XPO4: variants seen among roughly 807,000 people sequenced by gnomAD.
XPO4 encodes the protein exportin-4.
In XPO4, 39 loss-of-function variants were observed where a neutral mutation model predicts 143.0. That is an observed-to-expected ratio of 0.27 (90% CI 0.21 to 0.36). The LOEUF is 0.36. Among genes scored for constraint, XPO4 ranks in the 10% least tolerant of loss-of-function variants. The pLI, the probability that XPO4 is intolerant of heterozygous loss-of-function variation, is 1.00. For synonymous variants in XPO4, 439 were observed against 474.0 expected (o/e 0.93, Z 0.96); for missense variants, 907 against 1,348.0 (o/e 0.67, Z 5.12).
Position 20,851,396 on chromosome 13 carries a change from A to G in XPO4, c.456+4231T>C, listed in dbSNP as rs185620614. 7,296 of 985,366 alleles carry G rather than the reference A, an allele frequency of 7.4e-3. 33 individuals are homozygous for G. The highest frequency in any genetic ancestry group is 8.3e-3 in the Non-Finnish European group (6,925 of 829,926). 61.0% of individuals were successfully genotyped at this position (985,366 alleles called of 1,614,324 possible). ...AAGTATACTGATTTCCTACTATTACAGTAGTTCTCAGCCCTGGTATTAAAA... is the reference window on the plus strand; with the variant it reads ...AAGTATACTGATTTCCTACTATTACGGTAGTTCTCAGCCCTGGTATTAAAA... On this transcript the variant is annotated intron_variant, in intron 4 of 22. Coordinates refer to ENST00000255305, the MANE Select transcript of XPO4 (RefSeq NM_022459.5).
chr13:20,887,893 G>C (rs1478071750), intron 1 of XPO4, among the ~76,000 whole-genome samples: 1 of 150,434 alleles, frequency 6.6e-6, no homozygotes, highest in Non-Finnish European at 1.5e-5. Context: ...AAAAGAGGTC[G>C]GGCTCAGTGG....
Position 20,809,230 on chromosome 13 carries a change from T to C in XPO4, c.1351-5A>G, listed in dbSNP as rs1595078956. 1 of 1,612,506 alleles carries C rather than the reference T, an allele frequency of 6.2e-7. No homozygotes were observed. On this transcript the variant is annotated splice_polypyrimidine_tract_variant and splice_region_variant and intron_variant, in intron 10 of 22. Coordinates refer to ENST00000255305, the MANE Select transcript of XPO4 (RefSeq NM_022459.5). The stretch of plus-strand genomic sequence containing the variant: ...AGAGGCCACACCATTGGCAGTCTAT[T>C]GCAAGTAAAAGAAATAAACAATGAG...
intron 18 of XPO4, among the ~76,000 whole-genome samples, chr13:20,793,639 C>T (rs892973873): frequency 2.6e-5 from 4 of 152,056 alleles, no homozygotes; most frequent in Non-Finnish European, 4.4e-5. Flanking sequence ...CTGCAAGCTC[C>T]GCCTCCCTGG....
chr13:20,809,013 T>C, intron 11 of XPO4, 70 bp downstream of exon 11: 1 of 1,552,182 alleles, frequency 6.4e-7, no homozygotes, highest in East Asian at 2.3e-5. Flanking sequence ...CTTTAAACAC[T>C]TTAAGTGCTC....
intron 4 of XPO4, among the ~76,000 whole-genome samples, chr13:20,855,229 G>C (rs1372481896): frequency 2.6e-5 from 4 of 152,130 alleles, no homozygotes; most frequent in African/African-American, 9.7e-5. Flanking sequence ...GCAGAAGCAG[G>C]CGGATCACCT....
At chr13:20,831,760 C>T (rs111779231) in intron 6 of XPO4, among the ~76,000 whole-genome samples, 1 of 151,338 alleles carries the variant, frequency 6.6e-6, no homozygotes, top group Non-Finnish European at 1.5e-5. Flanking sequence ...ACCTTCCCAT[C>T]CATGTTCTCA....
At chr13:20,890,914 C>A (rs978381671) in intron 1 of XPO4, among the ~76,000 whole-genome samples, 13 of 151,516 alleles carry the variant, frequency 8.6e-5, no homozygotes, top group Admixed American at 4.0e-4. Flanking sequence ...TTGAGACCAG[C>A]CTGACCGGAC....
At position 20,894,295 on chromosome 13, in the gene XPO4, A is replaced by G. The variant is rs2060547211; in HGVS notation, c.69+8375T>C. Among the ~76,000 whole-genome samples the G allele has an allele frequency of 2.0e-5, 3 of 152,224 alleles. No individual in the cohort carries two copies. The South Asian group carries it at 6.2e-4, about 31-fold the overall frequency. ...AGTGAATCCCTATCTCTTTTTCAGA[A>G]TAAAGTTTATTAGTTTTCTATTAGC... is the stretch of plus-strand genomic sequence containing the variant. On this transcript the variant is annotated intron_variant, in intron 1 of 22. Coordinates refer to ENST00000255305, the MANE Select transcript of XPO4 (RefSeq NM_022459.5).
At chr13:20,801,862 G>A (rs546451098) in intron 13 of XPO4, among the ~76,000 whole-genome samples, 5 of 152,070 alleles carry the variant, frequency 3.3e-5, no homozygotes, top group Non-Finnish European at 7.4e-5. Context: ...TCATACACAC[G>A]TGTTTCAGTT....
rs1248390943 is a variant in XPO4 at position 20,783,662 on chromosome 13, C to CT, written c.*59dup. On this transcript the variant is annotated 3_prime_UTR_variant, in exon 23 of 23. Transcript: ENST00000255305. ...AGGAATAGGACAAGACTCAAGTCAA[C>CT]TTTCAGCAATTCAGTGCACTTTGCA... The CT allele has an allele frequency of 7.6e-6, 12 of 1,580,456 alleles. No homozygotes were observed. In the African/African-American group the frequency reaches 1.5e-4, roughly 20 times the overall value.
intron 7 of XPO4, among the ~76,000 whole-genome samples, chr13:20,822,853 T>C (rs2059737909): frequency 6.6e-6 from 1 of 152,224 alleles, no homozygotes; most frequent in African/African-American, 2.4e-5. Context: ...ACCTACATCA[T>C]TGCTATTAAT....
intron 13 of XPO4, among the ~76,000 whole-genome samples, chr13:20,806,467 G>A (rs781589874): frequency 4.7e-5 from 7 of 148,228 alleles, no homozygotes; most frequent in Non-Finnish European, 8.9e-5. Context: ...ATCTCTGCTT[G>A]CAACCTACAT....
Position 20,781,919 on chromosome 13 carries a change from T to TC in XPO4, c.*1802dup, listed in dbSNP as rs2059148363. 6.6e-6 allele frequency: 1 copy of TC among 152,116 alleles called. No homozygotes were observed. The highest frequency in any genetic ancestry group is 1.9e-4 in the East Asian group (1 of 5,202). The allele number at this position is 152,116 out of a possible 1,614,324, so 9.4% of individuals were successfully genotyped here. A position where few individuals can be genotyped will look rare whatever the true frequency, so the allele number is the denominator to read the frequency against. On this transcript the variant is annotated 3_prime_UTR_variant, in exon 23 of 23. Coordinates refer to ENST00000255305, the MANE Select transcript of XPO4 (RefSeq NM_022459.5). ...AAAAAAACACCTAAAAATAAATGCA[T>TC]CAAAGTATTTTTTAAAATACAGAAA...
At chr13:20,800,070 C>T in intron 15 of XPO4, 86 bp downstream of exon 15, 7 of 1,451,134 alleles carry the variant, frequency 4.8e-6, no homozygotes, top group Non-Finnish European at 6.5e-6. Context: ...AACCATTTGC[C>T]AGTTCAAAGG....
In XPO4 at chr13:20,902,702, C is replaced by T; in HGVS notation, c.37G>A (p.Ala13Thr). The T allele has an allele frequency of 5.7e-6, 9 of 1,584,880 alleles. No homozygotes were observed. The highest frequency in any genetic ancestry group is 7.7e-6 in the Non-Finnish European group (9 of 1,166,086). The change falls in exon 1 of 23, where the codon GCT becomes ACT. Residue 13 changes from alanine (A) to threonine (T), a missense_variant. Coordinates refer to ENST00000255305, the MANE Select transcript of XPO4 (RefSeq NM_022459.5). ...ACTTTAGCCGCGTTCTCCAGCTGAG[C>T]GATCACTTCTGGGGGCCCCAGCGCC... is the stretch of plus-strand genomic sequence containing the variant. The part of the protein sequence containing the change: ...AAALGPPEVI[A>T]QLENAAKVLM...
chr13:20,820,261 T>C (rs1417609422), intron 9 of XPO4, among the ~76,000 whole-genome samples: 1 of 152,218 alleles, frequency 6.6e-6, no homozygotes, highest in African/African-American at 2.4e-5. Context: ...CTATGTCAAA[T>C]CTTGAAGGAA....
intron 1 of XPO4, among the ~76,000 whole-genome samples, chr13:20,889,822 G>C (rs985797934): frequency 6.6e-6 from 1 of 152,134 alleles, no homozygotes; most frequent in South Asian, 2.1e-4. Flanking sequence ...GATACAGTTC[G>C]TAAGTGGGCA....
At chr13:20,854,617 T>C (rs972055213) in intron 4 of XPO4, among the ~76,000 whole-genome samples, 5 of 152,228 alleles carry the variant, frequency 3.3e-5, no homozygotes, top group African/African-American at 1.2e-4. Flanking sequence ...GGCCAAGTAT[T>C]ACCAATCTCA....
At chr13:20,856,846 C>T (rs922531932) in intron 3 of XPO4, 48 of 985,186 alleles carry the variant, frequency 4.9e-5, no homozygotes, top group East Asian at 4.5e-4. Context: ...AAGATTATGA[C>T]GTCACTTTCT....
Sources: gnomAD v4.1 joint callset for allele counts (sites outside exome capture counted in the v4.1 genomes callset) on GRCh38, gnomAD v4.1.1 for gene constraint, MANE v1.5 for transcripts, NCBI Gene and HGNC (gene_info 2026-07-23, HGNC 2026-07-21) for gene names.